Variants in SKA3 observed in about 807,000 individuals in gnomAD.
SKA3 encodes spindle and kinetochore associated complex subunit 3.
In SKA3, 39 loss-of-function variants were observed where a neutral mutation model predicts 44.2. That is an observed-to-expected ratio of 0.88 (90% confidence interval 0.68 to 1.15). SKA3 has a LOEUF of 1.15. Among genes scored for constraint, SKA3 ranks in the 50% most tolerant of loss-of-function variants. The pLI is 0.00. For missense variants in SKA3, 511 were observed against 485.8 expected, an observed-to-expected ratio of 1.05 and a Z score of -0.49; for synonymous variants, 192 against 172.0, an observed-to-expected ratio of 1.12 and a Z score of -0.91.
intron 4 of SKA3, among the ~76,000 whole-genome samples, chr13:21,164,671 G>A (rs979339699): frequency 1.3e-5 from 2 of 152,200 alleles, no homozygotes; most frequent in African/African-American, 4.8e-5. Context: ...TAGTATGTGT[G>A]TAACAGCCCT....
At chr13:21,170,499 T>C (rs529250606) in intron 3 of SKA3, among the ~76,000 whole-genome samples, 7 of 152,292 alleles carry the variant, frequency 4.6e-5, no homozygotes, top group African/African-American at 1.7e-4. Context: ...CTTTCTTGTT[T>C]GTTTGTTTTG....
chr13:21,169,119 C>A (rs1205491431), intron 3 of SKA3, among the ~76,000 whole-genome samples: 2 of 151,258 alleles, frequency 1.3e-5, no homozygotes, highest in Non-Finnish European at 2.9e-5. Flanking sequence ...GTGGCACAAT[C>A]ACAGATAAGT....
At position 21,161,935 on chromosome 13, in the gene SKA3, A is replaced by G. The variant is rs1870467057; in HGVS notation, c.744-60T>C. On this transcript the variant is annotated intron_variant, in intron 4 of 8. Coordinates refer to ENST00000314759, the MANE Select transcript of SKA3 (RefSeq NM_145061.6). ...AAAGTTAACATTCAATCTCTGGGAAAAAAATTTAACCTTACTAAATATCAA... is the reference window on the plus strand; with the variant it reads ...AAAGTTAACATTCAATCTCTGGGAAGAAAATTTAACCTTACTAAATATCAA... 3.1e-6 allele frequency: 4 copies of G among 1,288,578 alleles called. No individual in the cohort carries two copies. In the East Asian group the frequency reaches 9.7e-5, roughly 31 times the overall value. The allele number at this position is 1,288,578 out of a possible 1,614,324, so 79.8% of individuals were successfully genotyped here. A position where few individuals can be genotyped will look rare whatever the true frequency, so the allele number is the denominator to read the frequency against.
chr13:21,174,964 C>T (rs1208108611), intron 1 of SKA3, among the ~76,000 whole-genome samples: 1 of 151,962 alleles, frequency 6.6e-6, no homozygotes, highest in African/African-American at 2.4e-5. Flanking sequence ...TTTTCACATT[C>T]CTGATGACCA....
Position 21,154,019 on chromosome 13 carries a change from G to A in SKA3, c.*1131C>T, listed in dbSNP as rs1252556077. 1 of 152,194 alleles carries A rather than the reference G, an allele frequency of 6.6e-6. No homozygotes were observed. Among genetic ancestry groups the A allele is most frequent in the East Asian group, 1.9e-4 (1 of 5,194 alleles). The allele number at this position is 152,194 out of a possible 1,614,324, so 9.4% of individuals were successfully genotyped here. ...AGTTTTGTTTTGGTGACAGTTTTCT[G>A]ACAAGATTAATAGAGCACAATGGAC... On this transcript the variant is annotated 3_prime_UTR_variant, in exon 9 of 9. Transcript: ENST00000314759.
At position 21,168,298 on chromosome 13, in the gene SKA3, T is replaced by C; in HGVS notation, c.433A>G (p.Ser145Gly). ...GGAGACTTCTCAGAAATACAACTGC[T>C]TGCAACAGGAGGATCAGACAGATCA... is the stretch of plus-strand genomic sequence containing the variant. Reference protein sequence around the residue: ...KDDLSDPPVASSCISEKSPRS... With the variant: ...KDDLSDPPVAGSCISEKSPRS... Residue 145 changes from serine to glycine, a missense_variant, in exon 4 of 9, where the codon AGC becomes GGC. Ser to Gly is a moderately conservative substitution (Grantham distance 56). Transcript: ENST00000314759. 1 of 1,614,178 alleles carries C rather than the reference T, an allele frequency of 6.2e-7. No individual in the cohort carries two copies. Among genetic ancestry groups the C allele is most frequent in the Non-Finnish European group, 8.5e-7 (1 of 1,180,036 alleles).
At position 21,168,037 on chromosome 13, in the gene SKA3, AAC is replaced by A; in HGVS notation, c.692_693del (p.Cys231PhefsTer3). On this transcript the variant is annotated frameshift_variant, in exon 4 of 9. Transcript: ENST00000314759. LOFTEE classifies it high-confidence loss of function. ...AGTCCCATTGTGTAATCTTCATTTA[AAC>A]ACATAGTATATTCAGAGATACCAAA... ...EHFGISEYTM[C>X]LNEDYTMGLK... 1 of 1,606,888 alleles carries A rather than the reference AAC, an allele frequency of 6.2e-7. No individual in the cohort carries two copies. The highest frequency in any genetic ancestry group is 8.5e-7 in the Non-Finnish European group (1 of 1,177,216).
intron 7 of SKA3, 119 bp downstream of exon 7, chr13:21,157,780 GAATTTAGATTCTCTCATCACCAA>G: frequency 5.0e-6 from 3 of 600,416 alleles, no homozygotes; most frequent in Non-Finnish European, 8.4e-6. Context: ...TGACAGCTCA[GAATTTAGATTCTCTCATCACCAA>G]AATTAGCACA....
intron 4 of SKA3, among the ~76,000 whole-genome samples, chr13:21,163,525 C>T (rs888105821): frequency 5.3e-5 from 8 of 152,116 alleles, no homozygotes; most frequent in Non-Finnish European, 1.2e-4. Context: ...TGGCCACCAG[C>T]ATTATAAAAG....
chr13:21,168,349 T>C lies in SKA3; in HGVS notation c.382A>G (p.Asn128Asp), dbSNP rs149976238. ...NSDPELSNCE[N>D]FQKTDVKDDL... is the part of the protein sequence containing the mutation. Reference sequence around the variant, plus strand: ...TCTTTCACATCAGTCTTCTGAAAATTTTCACAATTAGACAACTCTGGGTCA... The same window carrying C: ...TCTTTCACATCAGTCTTCTGAAAATCTTCACAATTAGACAACTCTGGGTCA... The change falls in exon 4 of 9, where the codon AAT (asparagine) becomes GAT (aspartate). Residue 128 changes from asparagine (N) to aspartate (D), a missense_variant. By Grantham distance (23) the Asn-to-Asp change is conservative (BLOSUM62 1). Coordinates refer to ENST00000314759, the MANE Select transcript of SKA3 (RefSeq NM_145061.6). The C allele has an allele frequency of 5.6e-5, 90 of 1,613,810 alleles. 1 individual carries two copies. The Admixed American group carries it at 1.1e-3, about 20-fold the overall frequency.
chr13:21,174,758 C>T (rs990739663), intron 1 of SKA3, among the ~76,000 whole-genome samples: 33 of 79,934 alleles, frequency 4.1e-4, no homozygotes, highest in African/African-American at 1.1e-3. Context: ...AAAAAAAGTG[C>T]GTACTGCTCC....
intron 5 of SKA3, among the ~76,000 whole-genome samples, chr13:21,160,239 T>C (rs528120351): frequency 4.6e-5 from 7 of 152,274 alleles, no homozygotes; most frequent in African/African-American, 1.7e-4. Context: ...TACCTACAAA[T>C]ATATCTATTA....
At position 21,161,805 on chromosome 13, in the gene SKA3, G is replaced by A; in HGVS notation, c.814C>T (p.Gln272Ter). 6.2e-7 allele frequency: 1 copy of A among 1,610,992 alleles called. No individual in the cohort carries two copies. The highest frequency in any genetic ancestry group is 8.5e-7 in the Non-Finnish European group (1 of 1,178,188). ...TTATACTTACCACTTTTTTCCAACT[G>A]CTGGATGATGGGGCTGGGAGTGGCA... ...VFATPSPIIQ[Q>*]LEKSDAEYTN... Residue 272 changes from glutamine to a stop codon, truncating the protein, a stop_gained, in exon 5 of 9, where the codon CAG becomes TAG. Transcript: ENST00000314759. LOFTEE classifies it high-confidence loss of function.
intron 6 of SKA3, among the ~76,000 whole-genome samples, chr13:21,158,846 G>A (rs762467475): frequency 6.6e-6 from 1 of 152,140 alleles, no homozygotes; most frequent in Non-Finnish European, 1.5e-5. Context: ...TCAGCCAATT[G>A]GGTAAGTCGC....
At chr13:21,172,931 C>T (rs1871152231) in intron 1 of SKA3, among the ~76,000 whole-genome samples, 1 of 152,056 alleles carries the variant, frequency 6.6e-6, no homozygotes, top group Non-Finnish European at 1.5e-5. Context: ...GGTTTGTGGC[C>T]TAGGAGCGAC....
chr13:21,167,409 TTTA>T (rs201001592), intron 4 of SKA3, among the ~76,000 whole-genome samples: 1,889 of 152,274 alleles, frequency 0.012, 21 homozygotes, highest in Non-Finnish European at 0.021. Context: ...CAGCTCACAC[TTTA>T]TTGATAGTAT....
rs531417535 is a variant in SKA3, at chr13:21,154,031, A to C, written c.*1119T>G. Reference sequence around the variant, plus strand: ...GTGACAGTTTTCTGACAAGATTAATAGAGCACAATGGACAGGTCCCCCATT... The same window carrying C: ...GTGACAGTTTTCTGACAAGATTAATCGAGCACAATGGACAGGTCCCCCATT... On this transcript the variant is annotated 3_prime_UTR_variant, in exon 9 of 9. Transcript: ENST00000314759. The C allele has an allele frequency of 6.6e-6, 1 of 152,276 alleles. No individual in the cohort carries two copies. Among genetic ancestry groups the C allele is most frequent in the Non-Finnish European group, 1.5e-5 (1 of 68,056 alleles). 9.4% of individuals were successfully genotyped at this position (152,276 alleles called of 1,614,324 possible). A position where few individuals can be genotyped will look rare whatever the true frequency, so the allele number is the denominator to read the frequency against.
chr13:21,163,734 T>C (rs1462508226), intron 4 of SKA3, among the ~76,000 whole-genome samples: 4 of 152,196 alleles, frequency 2.6e-5, no homozygotes, highest in Non-Finnish European at 4.4e-5. Context: ...CTAAAAGTGT[T>C]CATATGCTTA....
At chr13:21,176,157 C>G (rs1871504347) in intron 1 of SKA3, among the ~76,000 whole-genome samples, 7 of 152,154 alleles carry the variant, frequency 4.6e-5, no homozygotes, top group Admixed American at 4.6e-4. Context: ...AACGGACACG[C>G]GACAAGGGTT....
Sources: gnomAD v4.1 joint callset for allele counts (sites outside exome capture counted in the v4.1 genomes callset) on GRCh38, gnomAD v4.1.1 for gene constraint, MANE v1.5 for transcripts, NCBI Gene and HGNC (gene_info 2026-07-23, HGNC 2026-07-21) for gene names.